The following NBPF15 variants were observed in gnomAD, a reference collection of about 807,000 sequenced individuals.
NBPF15 encodes the protein NBPF family member NBPF15.
Under a neutral mutation model 62.2 loss-of-function variants are expected in NBPF15, and 74 were observed. That is an observed-to-expected ratio of 1.19 (90% CI 0.99 to 1.44). The LOEUF is 1.44. Ranked by LOEUF, NBPF15 falls within the 40% of genes most tolerant of loss-of-function variation. The pLI is 0.00. For missense variants in NBPF15, 790 were observed against 550.0 expected (o/e 1.44, Z -4.36); for synonymous variants, 244 against 209.7 (o/e 1.16, Z -1.41).
chr1:144,438,922 A>G (rs1680766811), intron 8 of NBPF15, among the ~76,000 whole-genome samples: 1 of 151,864 alleles, frequency 6.6e-6, no homozygotes, highest in Admixed American at 6.6e-5. Flanking sequence ...TCTGTGCCCC[A>G]GGAAGCAGGA....
At chr1:144,441,345 G>A (rs1397791377) in intron 6 of NBPF15, among the ~76,000 whole-genome samples, 1 of 151,892 alleles carries the variant, frequency 6.6e-6, no homozygotes, top group Non-Finnish European at 1.5e-5. Flanking sequence ...AATATTTTCA[G>A]TCTTTTAAAC....
At chr1:144,432,119 A>C (rs1674804782) in intron 13 of NBPF15, among the ~76,000 whole-genome samples, 1 of 152,090 alleles carries the variant, frequency 6.6e-6, no homozygotes, top group Admixed American at 6.6e-5. Context: ...ACAGTGTAAA[A>C]GTGTTCCTAT....
At chr1:144,445,332 A>AAT (rs1246556657) in intron 6 of NBPF15, among the ~76,000 whole-genome samples, 23,702 of 91,814 alleles carry the variant, frequency 0.26, 3,276 homozygotes, top group Non-Finnish European at 0.3. Context: ...CAAAACGGTG[A>AAT]ATATATATAT....
rs1683623113 is a variant in NBPF15, at chr1:144,442,168, A to ATATATAATATATATACACGTG, written c.-190-1874_-190-1873insCACGTGTATATATATTATATA. Among the ~76,000 whole-genome samples the ATATATAATATATATACACGTG allele has an allele frequency of 5.8e-4, 62 of 106,882 alleles. 4 individuals carry two copies. Among genetic ancestry groups the ATATATAATATATATACACGTG allele is most frequent in the African/African-American group, 3.0e-3 (62 of 20,490 alleles). 70.1% of individuals were successfully genotyped at this position (106,882 alleles called of 152,430 possible). On this transcript the variant is annotated intron_variant, in intron 6 of 21. Coordinates refer to ENST00000581897, the MANE Select transcript of NBPF15 (RefSeq NM_001385408.1). The stretch of plus-strand genomic sequence containing the variant: ...ATATAATATATATACACGTGTATAT[A>ATATATAATATATATACACGTG]TATATATATATAATATATATACACG...
intron 6 of NBPF15, among the ~76,000 whole-genome samples, chr1:144,444,878 G>A (rs1426728679): frequency 6.6e-6 from 1 of 151,978 alleles, no homozygotes; most frequent in African/African-American, 2.4e-5. Flanking sequence ...CAGACACAGT[G>A]TGTAAATTCC....
chr1:144,458,621 A>G (rs1451537333), intron 3 of NBPF15, among the ~76,000 whole-genome samples: 3 of 150,456 alleles, frequency 2.0e-5, no homozygotes, highest in Non-Finnish European at 3.0e-5. Context: ...ACCCACACTA[A>G]TTTCATAAAT....
In NBPF15 at chr1:144,426,474, G is replaced by T. The variant is rs1669725907; in HGVS notation, c.1266-24C>A. 3 of 821,412 alleles carry T rather than the reference G, an allele frequency of 3.7e-6. No homozygotes were observed. The South Asian group carries it at 4.0e-5, about 11-fold the overall frequency. 50.9% of individuals were successfully genotyped at this position (821,412 alleles called of 1,614,324 possible). A position where few individuals can be genotyped will look rare whatever the true frequency, so the allele number is the denominator to read the frequency against. ...GCCTGGAAAAGTAGGAAAAAGTAAA[G>T]AATAAGCCAGGGAGAATCAGAAACC... On this transcript the variant is annotated intron_variant, in intron 17 of 21. Coordinates refer to ENST00000581897, the MANE Select transcript of NBPF15 (RefSeq NM_001385408.1).
rs1553540841 is a variant in NBPF15 at position 144,435,230 on chromosome 1, T to A, written c.653A>T (p.Tyr218Phe). ...AITCSNSHGP[Y>F]DSNQPHKKTK... ...TTTCTTATGTGGCTGGTTGGAGTCATAAGGGCCATGGCTATTTGAACAAGT... is the reference window on the plus strand; with the variant it reads ...TTTCTTATGTGGCTGGTTGGAGTCAAAAGGGCCATGGCTATTTGAACAAGT... Residue 218 changes from tyrosine (Y) to phenylalanine (F), a missense_variant, in exon 12 of 22, where the codon TAT (tyrosine) becomes TTT (phenylalanine). Transcript: ENST00000581897. 2 of 1,612,938 alleles carry A rather than the reference T, an allele frequency of 1.2e-6. No individual in the cohort carries two copies. Among genetic ancestry groups the A allele is most frequent in the East Asian group, 2.2e-5 (1 of 44,864 alleles).
intron 8 of NBPF15, among the ~76,000 whole-genome samples, chr1:144,439,116 G>A (rs1301034781): frequency 6.6e-6 from 1 of 151,464 alleles, no homozygotes; most frequent in East Asian, 1.9e-4. Context: ...CCTAGGCAGG[G>A]GTGATTACAG....
chr1:144,460,568 AC>A (rs1652007943), intron 2 of NBPF15, among the ~76,000 whole-genome samples: 1 of 151,704 alleles, frequency 6.6e-6, no homozygotes, highest in African/African-American at 2.4e-5. Context: ...CTTTCCTTTA[AC>A]CTTGTGAAGC....
rs1305914416 is a variant in NBPF15, at chr1:144,429,466, A to T, written c.988+234T>A. Among the ~76,000 whole-genome samples the T allele has an allele frequency of 7.2e-4, 109 of 151,098 alleles. 1 individual carries two copies. The highest frequency in any genetic ancestry group is 4.7e-3 in the Admixed American group (72 of 15,194). On this transcript the variant is annotated intron_variant, in intron 14 of 21. Coordinates refer to ENST00000581897, the MANE Select transcript of NBPF15 (RefSeq NM_001385408.1). ...CCTTGAGTTCAATGTCGTGACAGTC[A>T]GTCCAGGTTGGCACGGGCATGGCCT...
intron 6 of NBPF15, among the ~76,000 whole-genome samples, chr1:144,445,761 A>G (rs1687052479): frequency 6.7e-6 from 1 of 149,360 alleles, no homozygotes; most frequent in Non-Finnish European, 1.5e-5. Context: ...GACAAGGTTT[A>G]TCTCCCCACT....
At chr1:144,451,735 G>T (rs1216760186) in intron 4 of NBPF15, among the ~76,000 whole-genome samples, 2 of 151,026 alleles carry the variant, frequency 1.3e-5, no homozygotes, top group Non-Finnish European at 2.9e-5. Flanking sequence ...CAGGGTTGGG[G>T]GTAGGGTTAC....
chr1:144,428,144 G>C (rs1380753812), intron 15 of NBPF15, among the ~76,000 whole-genome samples, 154 bp from the exon 16 acceptor site: 4 of 151,188 alleles, frequency 2.6e-5, no homozygotes, highest in Non-Finnish European at 4.4e-5. Flanking sequence ...TGTTGGGATA[G>C]ACTAGGGCCA....
Position 144,423,067 on chromosome 1 carries a change from C to T in NBPF15, c.1959G>A (p.Leu653=), listed in dbSNP as rs1666809915. 1.2e-6 allele frequency: 2 copies of T among 1,611,468 alleles called. No individual in the cohort carries two copies. The highest frequency in any genetic ancestry group is 1.1e-5 in the South Asian group (1 of 90,970). ...ACACCAGGTGGAGACTTGTCACCGTCAAAGTAAAAAACCTATTGTCCACGT... is the reference window on the plus strand; with the variant it reads ...ACACCAGGTGGAGACTTGTCACCGTTAAAGTAAAAAACCTATTGTCCACGT... ...ALYVDNRFFT[L]TVTSLHLVFQ... is the part of the protein sequence containing the mutation. The change falls in exon 22 of 22, where the codon TTG becomes TTA. Residue 653 remains leucine, a synonymous_variant. Coordinates refer to ENST00000581897, the MANE Select transcript of NBPF15 (RefSeq NM_001385408.1).
At chr1:144,458,052 A>G (rs1358014489) in intron 3 of NBPF15, among the ~76,000 whole-genome samples, 10 of 143,568 alleles carry the variant, frequency 7.0e-5, no homozygotes, top group African/African-American at 2.6e-4. Context: ...ATACCACTCC[A>G]CTCCAGCCTG....
chr1:144,456,126 G>C (rs1414578611), intron 4 of NBPF15, among the ~76,000 whole-genome samples: 1 of 151,570 alleles, frequency 6.6e-6, no homozygotes, highest in Non-Finnish European at 1.5e-5. Context: ...TAGCCTGGGG[G>C]ATGCGGGTGG....
chr1:144,424,207 C>T (rs1344575763), intron 20 of NBPF15, among the ~76,000 whole-genome samples: 1 of 151,990 alleles, frequency 6.6e-6, no homozygotes, highest in Non-Finnish European at 1.5e-5. Context: ...ATCCCAATAA[C>T]ATTTGTCCCA....
intron 5 of NBPF15, among the ~76,000 whole-genome samples, chr1:144,449,627 G>A (rs1226370178): frequency 6.6e-6 from 1 of 152,020 alleles, no homozygotes; most frequent in Admixed American, 6.6e-5. Context: ...GAAATGCAGA[G>A]CAGAGAGCCC....
Sources: allele counts gnomAD v4.1 joint callset (sites outside exome capture counted in the v4.1 genomes callset), GRCh38; gene constraint gnomAD v4.1.1; transcripts MANE v1.5; gene names NCBI Gene and HGNC (gene_info 2026-07-23, HGNC 2026-07-21).